The following SEMA6A variants were observed in gnomAD, a reference collection of about 807,000 sequenced individuals.
SEMA6A encodes semaphorin 6A.
In SEMA6A, 25 loss-of-function variants were observed where a neutral mutation model predicts 96.8. The ratio of observed to expected loss-of-function variants is 0.26; its 90% CI spans 0.19 to 0.36. The LOEUF (loss-of-function observed/expected upper bound fraction) is 0.36, where lower values mean the gene tolerates loss of function less well. Ranked by LOEUF, SEMA6A falls within the 10% of genes least tolerant of loss-of-function variation. SEMA6A has a pLI of 1.00. For missense variants in SEMA6A, 1,363 were observed against 1,323.1 expected, an observed-to-expected ratio of 1.03 and a Z score of -0.47; for synonymous variants, 612 against 518.0, an observed-to-expected ratio of 1.18 and a Z score of -2.46.
intron 8 of SEMA6A, among the ~76,000 whole-genome samples, chr5:116,488,417 TGAA>T (rs1757169846): frequency 6.6e-6 from 1 of 152,358 alleles, no homozygotes; most frequent in East Asian, 1.9e-4. Flanking sequence ...CAATCAACAA[TGAA>T]GAAATATGGA....
chr5:116,529,847 G>T (rs1412664217), intron 1 of SEMA6A, among the ~76,000 whole-genome samples: 2 of 152,100 alleles, frequency 1.3e-5, no homozygotes, highest in Non-Finnish European at 2.9e-5. Flanking sequence ...CTTGAGGGCG[G>T]GTTGGGGGAA....
intron 1 of SEMA6A, among the ~76,000 whole-genome samples, chr5:116,507,266 C>G (rs982355185): frequency 4.6e-5 from 7 of 152,152 alleles, no homozygotes; most frequent in African/African-American, 1.7e-4. Flanking sequence ...TTGGTCAGTC[C>G]ACATGAACAC....
chr5:116,520,366 CTA>C (rs773859625), intron 1 of SEMA6A, among the ~76,000 whole-genome samples: 7 of 151,470 alleles, frequency 4.6e-5, no homozygotes, highest in African/African-American at 7.3e-5. Context: ...AATGTAAGCT[CTA>C]TGTGGGTAAA....
intron 18 of SEMA6A, among the ~76,000 whole-genome samples, chr5:116,466,711 C>CGGA (rs2112646046): frequency 6.6e-6 from 1 of 152,270 alleles, no homozygotes. Flanking sequence ...ACTCAAACTC[C>CGGA]CGCTTGGATG....
At chr5:116,495,880 G>A (rs1168651390) in intron 5 of SEMA6A, 2 of 322,854 alleles carry the variant, frequency 6.2e-6, no homozygotes, top group Non-Finnish European at 1.2e-5. Context: ...TATGACCACA[G>A]GCACAAAACC....
Position 116,497,383 on chromosome 5 carries a change from G to T in SEMA6A, c.223C>A (p.His75Asn). ...GTGTCTATATCAACAGTATAAATAT[G>T]GTCCCTATAGGCAAAGAAAAATTAA... ...NGTLYIAARD[H>N]IYTVDIDTSH... is the part of the protein sequence containing the mutation. The change falls in exon 4 of 19, where the codon CAT (histidine) becomes AAT (asparagine). Residue 75 changes from histidine to asparagine, a missense_variant. Physicochemically the swap from His to Asn is moderately conservative, Grantham distance 68. Around this residue, in one of 2 missense-constraint regions of SEMA6A, gnomAD observed 480 missense variants for 559.5 expected, o/e 0.86. Coordinates refer to ENST00000343348, the MANE Select transcript of SEMA6A (RefSeq NM_020796.5). 6.3e-7 allele frequency: 1 copy of T among 1,584,510 alleles called. No individual in the cohort carries two copies. Among genetic ancestry groups the T allele is most frequent in the Non-Finnish European group, 8.6e-7 (1 of 1,156,290 alleles).
chr5:116,505,091 ATCT>A, intron 1 of SEMA6A, 109 bp from the exon 2 acceptor site: 1 of 581,354 alleles, frequency 1.7e-6, no homozygotes, highest in Non-Finnish European at 3.1e-6. Flanking sequence ...TCTGCTTTAC[ATCT>A]TCTACATGGT....
At chr5:116,544,318 T>TTA (rs1308358663) in intron 1 of SEMA6A, among the ~76,000 whole-genome samples, 1 of 151,090 alleles carries the variant, frequency 6.6e-6, no homozygotes, top group Non-Finnish European at 1.5e-5. Flanking sequence ...AGACATGGTC[T>TTA]TACTCTGTCA....
intron 1 of SEMA6A, among the ~76,000 whole-genome samples, chr5:116,538,919 C>T (rs1459935248): frequency 6.6e-6 from 1 of 151,988 alleles, no homozygotes; most frequent in East Asian, 1.9e-4. Flanking sequence ...TCCTTCTTTG[C>T]CTTTGCTTGT....
At chr5:116,455,559 A>C (rs539741068) in intron 18 of SEMA6A, among the ~76,000 whole-genome samples, 1 of 152,328 alleles carries the variant, frequency 6.6e-6, no homozygotes, top group African/African-American at 2.4e-5. Context: ...AAAAGGCATC[A>C]AAGCCACAAA....
At chr5:116,478,791 C>T in intron 12 of SEMA6A, 73 bp from the exon 13 acceptor site, 1 of 1,436,732 alleles carries the variant, frequency 7.0e-7, no homozygotes, top group South Asian at 1.3e-5. Flanking sequence ...CCACTTCAAA[C>T]AGCTGCGACA....
Position 116,473,111 on chromosome 5 carries a change from G to C in SEMA6A, c.1709-18C>G, listed in dbSNP as rs774838441. On this transcript the variant is annotated intron_variant, in intron 16 of 18. Coordinates refer to ENST00000343348, the MANE Select transcript of SEMA6A (RefSeq NM_020796.5). ...AAAGGAATCTGAAAGACAAAAGGGA[G>C]GAGAAGGTTACTTAATGTTTTACGC... The C allele has an allele frequency of 6.3e-7, 1 of 1,588,864 alleles. No individual in the cohort carries two copies. The highest frequency in any genetic ancestry group is 8.6e-7 in the Non-Finnish European group (1 of 1,166,472).
chr5:116,454,619 G>A (rs7728334), intron 18 of SEMA6A, among the ~76,000 whole-genome samples: 82,760 of 151,900 alleles, frequency 0.54, 23,636 homozygotes, highest in African/African-American at 0.73. Context: ...GCCAGTCGAG[G>A]TGACCACGCT....
chr5:116,573,635 ACCCCACACTGACAACAAAAGATTCTCT>A lies in SEMA6A; in HGVS notation c.-39+523_-39+549del, dbSNP rs558345076. Among the ~76,000 whole-genome samples the A allele has an allele frequency of 1.3e-3, 193 of 151,488 alleles. 3 individuals are homozygous for A. The East Asian group carries it at 0.036, about 28-fold the overall frequency. On this transcript the variant is annotated intron_variant, in intron 1 of 18. Coordinates refer to ENST00000343348, the MANE Select transcript of SEMA6A (RefSeq NM_020796.5). ...TTGCACTCCACGGAGCCCAGCCCAGACCCCACACTGACAACAAAAGATTCTCTCCGCTTCCACACCGTCTCCGCGGAA... is the reference window on the plus strand; with the variant it reads ...TTGCACTCCACGGAGCCCAGCCCAGACCGCTTCCACACCGTCTCCGCGGAA...
At chr5:116,474,268 G>A (rs1208985400) in intron 16 of SEMA6A, among the ~76,000 whole-genome samples, 9 of 133,314 alleles carry the variant, frequency 6.8e-5, no homozygotes, top group African/African-American at 8.8e-5. Flanking sequence ...TTAATAAAGC[G>A]TGCACGCATG....
chr5:116,537,905 G>A (rs966569313), intron 1 of SEMA6A, among the ~76,000 whole-genome samples: 55 of 152,170 alleles, frequency 3.6e-4, no homozygotes, highest in Admixed American at 1.4e-3. Flanking sequence ...GGCCAGGTGC[G>A]GTGTCTCATG....
chr5:116,483,841 A>T (rs1284813849), intron 10 of SEMA6A, among the ~76,000 whole-genome samples: 1 of 152,148 alleles, frequency 6.6e-6, no homozygotes, highest in Non-Finnish European at 1.5e-5. Context: ...AGGTGGGTGG[A>T]TAACTTGAGA....
rs761557203 is a variant in SEMA6A, at chr5:116,467,678, C to G, written c.1799G>C (p.Arg600Thr). 5.0e-6 allele frequency: 8 copies of G among 1,613,700 alleles called. No individual in the cohort carries two copies. The highest frequency in any genetic ancestry group is 6.8e-6 in the Non-Finnish European group (8 of 1,179,852). The change falls in exon 18 of 19, where the codon AGG becomes ACG. Residue 600 changes from arginine to threonine, a missense_variant. Physicochemically the swap from Arg to Thr is moderately conservative, Grantham distance 71. Coordinates refer to ENST00000343348, the MANE Select transcript of SEMA6A (RefSeq NM_020796.5). ...ATGCTTCCAGTCCAGCATTCCTCCC[C>G]TAGACTCATACCCCTCTTGAGCCGT... ...DSTAQEGYES[R>T]GGMLDWKHLL...
At chr5:116,561,478 A>T (rs912935042) in intron 1 of SEMA6A, among the ~76,000 whole-genome samples, 50 of 152,346 alleles carry the variant, frequency 3.3e-4, no homozygotes, top group African/African-American at 1.2e-3. Context: ...ACAATAAAAG[A>T]TGCAAATACA....
Sources: allele counts gnomAD v4.1 joint callset (sites outside exome capture counted in the v4.1 genomes callset), GRCh38; gene constraint gnomAD v4.1.1; regional missense constraint gnomAD v4.1.1; transcripts MANE v1.5; gene names NCBI Gene and HGNC (gene_info 2026-07-23, HGNC 2026-07-21).